The following SDK1 variants were observed in gnomAD, a reference collection of about 807,000 sequenced individuals.
SDK1 encodes the protein protein sidekick-1.
In SDK1, 157 loss-of-function variants were observed where a neutral mutation model predicts 245.5. That is an observed-to-expected ratio of 0.64 (90% CI 0.56 to 0.73). The LOEUF (loss-of-function observed/expected upper bound fraction) is 0.73, where lower values mean the gene tolerates loss of function less well. SDK1 is among the 30% of genes least tolerant of loss of function. The probability of loss-of-function intolerance (pLI) is 0.00; values close to 1 mark genes in which losing one functional copy is unlikely to be tolerated. For synonymous variants in SDK1, 1,647 were observed against 1,278.5 expected (o/e 1.29, Z -6.15); for missense variants, 3,583 against 3,002.3 (o/e 1.19, Z -4.52).
intron 4 of SDK1, among the ~76,000 whole-genome samples, chr7:3,656,607 G>A (rs1292843393): frequency 6.6e-6 from 1 of 152,094 alleles, no homozygotes; most frequent in Non-Finnish European, 1.5e-5. Context: ...GACACTGCAG[G>A]ATACATCTCA....
chr7:3,949,281 T>G (rs1033609452), intron 5 of SDK1, among the ~76,000 whole-genome samples: 1 of 152,246 alleles, frequency 6.6e-6, no homozygotes, highest in African/African-American at 2.4e-5. Flanking sequence ...CATTCATTAC[T>G]TGGCTCTGTC....
rs543037476 is a variant in SDK1 at position 4,216,634 on chromosome 7, T to A, written c.5540-3475T>A. 7.9e-5 allele frequency among the ~76,000 whole-genome samples: 12 copies of A among 152,304 alleles called. No homozygotes were observed. The East Asian group carries it at 2.3e-3, about 29-fold the overall frequency. On this transcript the variant is annotated intron_variant, in intron 38 of 44. Transcript: ENST00000404826. ...TGAAGTATATTGTGATGACAAAATA[T>A]TTTAAAATATGGTAAAGATAGTTAA...
intron 43 of SDK1, among the ~76,000 whole-genome samples, chr7:4,242,389 C>T (rs1786585130): frequency 6.6e-6 from 1 of 152,190 alleles, no homozygotes; most frequent in African/African-American, 2.4e-5. Flanking sequence ...GGATTGAGTG[C>T]AGGCGAGAAG....
At chr7:4,137,437 A>G (rs1445079352) in intron 28 of SDK1, among the ~76,000 whole-genome samples, 1 of 152,050 alleles carries the variant, frequency 6.6e-6, no homozygotes, top group Non-Finnish European at 1.5e-5. Flanking sequence ...CCTTAGTGCC[A>G]CCTTCTTGTG....
At position 3,673,671 on chromosome 7, in the gene SDK1, T is replaced by C. The variant is rs191316712; in HGVS notation, c.713+31566T>C. Among the ~76,000 whole-genome samples the C allele has an allele frequency of 2.8e-3, 433 of 152,350 alleles. 3 individuals carry two copies. The highest frequency in any genetic ancestry group is 0.016 in the South Asian group (79 of 4,830). ...TGCATTAGGTAGTTTCGTCTTGCTC[T>C]GCAAAGACAAAAGCTCAGTCATTGA... On this transcript the variant is annotated intron_variant, in intron 4 of 44. Coordinates refer to ENST00000404826, the MANE Select transcript of SDK1 (RefSeq NM_152744.4).
At chr7:4,053,086 CAA>C (rs923402926) in intron 19 of SDK1, among the ~76,000 whole-genome samples, 1,023 of 60,080 alleles carry the variant, frequency 0.017, 6 homozygotes, top group African/African-American at 0.033. Flanking sequence ...GACTCTGTCT[CAA>C]AAAAAAAAAA....
intron 1 of SDK1, among the ~76,000 whole-genome samples, chr7:3,354,156 A>C (rs1054904292): frequency 8.6e-5 from 13 of 150,528 alleles, no homozygotes; most frequent in Non-Finnish European, 1.5e-4. Flanking sequence ...CCGCCACCAC[A>C]CCCGGCTAAT....
intron 1 of SDK1, among the ~76,000 whole-genome samples, chr7:3,406,583 A>T (rs1367227275): frequency 6.6e-6 from 1 of 152,176 alleles, no homozygotes; most frequent in Non-Finnish European, 1.5e-5. Flanking sequence ...CGTTTTGTGG[A>T]TTAAGTGAAA....
chr7:3,596,800 A>G (rs1196856758), intron 1 of SDK1, among the ~76,000 whole-genome samples: 1 of 152,228 alleles, frequency 6.6e-6, no homozygotes, highest in Non-Finnish European at 1.5e-5. Flanking sequence ...CTAAGTTCAG[A>G]GTAACTCATG....
intron 1 of SDK1, among the ~76,000 whole-genome samples, chr7:3,530,868 C>T (rs1783320771): frequency 6.6e-6 from 1 of 152,146 alleles, no homozygotes; most frequent in Non-Finnish European, 1.5e-5. Context: ...TTTCCCTATG[C>T]ATAAAAACAT....
chr7:4,193,092 GTATA>G (rs895919504), intron 35 of SDK1, among the ~76,000 whole-genome samples: 13 of 123,250 alleles, frequency 1.1e-4, no homozygotes, highest in Non-Finnish European at 1.8e-4. Flanking sequence ...AAATACAAAT[GTATA>G]TATAATATAA....
At chr7:4,253,124 A>T (rs1260493286) in intron 44 of SDK1, among the ~76,000 whole-genome samples, 1 of 151,816 alleles carries the variant, frequency 6.6e-6, no homozygotes, top group Non-Finnish European at 1.5e-5. Context: ...TCTACTTTCT[A>T]TTTCATTTAT....
chr7:3,441,424 T>G (rs1185176957), intron 1 of SDK1, among the ~76,000 whole-genome samples: 4 of 152,190 alleles, frequency 2.6e-5, no homozygotes, highest in Non-Finnish European at 5.9e-5. Context: ...AAATCTCTTT[T>G]TGTGTGTGTA....
Position 3,884,625 on chromosome 7 carries a change from C to G in SDK1, c.847+63042C>G, listed in dbSNP as rs148962931. 5.2e-3 allele frequency among the ~76,000 whole-genome samples: 792 copies of G among 152,302 alleles called. 7 individuals are homozygous for G. The highest frequency in any genetic ancestry group is 0.018 in the African/African-American group (734 of 41,570). On this transcript the variant is annotated intron_variant, in intron 5 of 44. Coordinates refer to ENST00000404826, the MANE Select transcript of SDK1 (RefSeq NM_152744.4). ...GCACATATTGTGTGCCAGGCTTGTT[C>G]TAGGTGCTGGGAACACACTCACTGG...
At chr7:3,982,768 A>C (rs991253188) in intron 13 of SDK1, among the ~76,000 whole-genome samples, 7 of 151,852 alleles carry the variant, frequency 4.6e-5, no homozygotes, top group Admixed American at 1.3e-4. Flanking sequence ...TGAACCCAGG[A>C]GGCGGAGCTT....
At chr7:3,836,402 A>G (rs566203972) in intron 5 of SDK1, among the ~76,000 whole-genome samples, 28 of 152,316 alleles carry the variant, frequency 1.8e-4, no homozygotes, top group Non-Finnish European at 3.1e-4. Flanking sequence ...GAGTTGCTGT[A>G]CAAGATACCC....
Position 3,868,288 on chromosome 7 carries a change from A to G in SDK1, c.847+46705A>G, listed in dbSNP as rs552536682. ...AAAATGTGCCGCTTAGTTTATTCCA[A>G]TGATTGGTACATGAGCTGGGAGGAT... On this transcript the variant is annotated intron_variant, in intron 5 of 44. Transcript: ENST00000404826. Among the ~76,000 whole-genome samples the G allele has an allele frequency of 2.2e-4, 33 of 152,292 alleles. No individual in the cohort carries two copies. The South Asian group carries it at 4.8e-3, about 22-fold the overall frequency.
intron 5 of SDK1, among the ~76,000 whole-genome samples, chr7:3,948,251 C>CTTTTTTTTTTTT (rs34746302): frequency 2.5e-5 from 2 of 79,668 alleles, no homozygotes; most frequent in Non-Finnish European, 4.4e-5. Flanking sequence ...ATCACCATTG[C>CTTTTTTTTTTTT]TTTTTTTTTT....
rs748188845 is a variant in SDK1, at chr7:4,241,848, T to A, written c.6186T>A (p.Ala2062=). Residue 2062 remains alanine, a synonymous_variant, in exon 43 of 45, where the codon GCT becomes GCA. Transcript: ENST00000404826. ...ESVTLDNGGF[A]ALELSSRHLN... ...TGACCCTGGACAACGGAGGATTTGC[T>A]GCCCTGGAGCTCAGCAGCCGCCACC... The A allele has an allele frequency of 3.7e-6, 6 of 1,614,032 alleles. No individual in the cohort carries two copies. Among genetic ancestry groups the A allele is most frequent in the Non-Finnish European group, 5.1e-6 (6 of 1,180,038 alleles).
Sources: allele counts gnomAD v4.1 joint callset (sites outside exome capture counted in the v4.1 genomes callset), GRCh38; gene constraint gnomAD v4.1.1; transcripts MANE v1.5; gene names NCBI Gene and HGNC (gene_info 2026-07-23, HGNC 2026-07-21).